FAM167A: variants seen among roughly 807,000 people sequenced by gnomAD.
The protein encoded by FAM167A is family with sequence similarity 167 member A, also known as protein FAM167A.
Under a neutral mutation model 14.9 loss-of-function variants are expected in FAM167A, and 23 were observed. The ratio of observed to expected loss-of-function variants is 1.55; its 90% confidence interval spans 1.11 to 2.19. The LOEUF is 2.19. Among genes scored for constraint, FAM167A ranks in the 30% most tolerant of loss-of-function variants. The pLI is 0.00. For synonymous variants in FAM167A, 174 were observed against 117.7 expected, an observed-to-expected ratio of 1.48 and a Z score of -3.10; for missense variants, 401 against 281.5, an observed-to-expected ratio of 1.42 and a Z score of -3.04.
chr8:11,469,194 G>T (rs987322202), upstream of FAM167A, among the ~76,000 whole-genome samples: 3 of 152,132 alleles, frequency 2.0e-5, no homozygotes, highest in Admixed American at 2.0e-4. Flanking sequence ...TGTATGCATG[G>T]AAAAAAGATT....
chr8:11,442,813 T>A (rs1806521435), intron 2 of FAM167A, among the ~76,000 whole-genome samples: 1 of 151,986 alleles, frequency 6.6e-6, no homozygotes, highest in South Asian at 2.1e-4. Context: ...AAGACGGATA[T>A]AATAGAATGG....
At chr8:11,425,304 G>C (rs565948479) in intron 2 of FAM167A, among the ~76,000 whole-genome samples, 16 of 152,244 alleles carry the variant, frequency 1.1e-4, no homozygotes, top group East Asian at 9.6e-4. Context: ...AGCTTATAGA[G>C]GAGGACACAG....
At chr8:11,458,776 G>A (rs1044507883) in intron 1 of FAM167A, among the ~76,000 whole-genome samples, 9 of 151,310 alleles carry the variant, frequency 5.9e-5, no homozygotes, top group African/African-American at 1.9e-4. Flanking sequence ...GAGGTAAGGC[G>A]AACTAAGGGA....
intron 1 of FAM167A, among the ~76,000 whole-genome samples, chr8:11,462,318 G>A (rs935188331): frequency 6.6e-6 from 1 of 152,246 alleles, no homozygotes; most frequent in African/African-American, 2.4e-5. Flanking sequence ...TTGATCAACA[G>A]ATTCAACCCT....
At chr8:11,442,576 T>C (rs896322102) in intron 2 of FAM167A, among the ~76,000 whole-genome samples, 1 of 152,142 alleles carries the variant, frequency 6.6e-6, no homozygotes, top group African/African-American at 2.4e-5. Flanking sequence ...ACAAGAATGT[T>C]TTTTGTTCCT....
chr8:11,459,410 T>C (rs1807450350), intron 1 of FAM167A, among the ~76,000 whole-genome samples: 1 of 152,256 alleles, frequency 6.6e-6, no homozygotes, highest in South Asian at 2.1e-4. Flanking sequence ...CCAGTGTTCC[T>C]AGAAACCTCA....
chr8:11,427,857 C>T (rs1291471605), intron 2 of FAM167A, among the ~76,000 whole-genome samples: 2 of 152,148 alleles, frequency 1.3e-5, no homozygotes, highest in South Asian at 4.1e-4. Context: ...AAATTTATTG[C>T]TAATTAAATT....
At chr8:11,467,148 C>T (rs1294879676), upstream of FAM167A, among the ~76,000 whole-genome samples, 1 of 152,238 alleles carries the variant, frequency 6.6e-6, no homozygotes, top group East Asian at 1.9e-4. Context: ...TTCATAGGAC[C>T]CGCGGCCACG....
At chr8:11,445,100 A>T in intron 1 of FAM167A, 1 of 981,116 alleles carries the variant, frequency 1.0e-6, no homozygotes, top group Non-Finnish European at 1.2e-6. Context: ...TTTTATTCTC[A>T]TTTCACACAC....
intron 1 of FAM167A, among the ~76,000 whole-genome samples, chr8:11,449,410 G>GA (rs1806931295): frequency 6.6e-6 from 1 of 152,220 alleles, no homozygotes; most frequent in Non-Finnish European, 1.5e-5. Flanking sequence ...TCCTGGGCTG[G>GA]AAAAGCAGTG....
chr8:11,443,953 A>G, intron 2 of FAM167A, 78 bp downstream of exon 2: 2 of 1,508,440 alleles, frequency 1.3e-6, no homozygotes, highest in South Asian at 1.3e-5. Flanking sequence ...GGGGAGACAG[A>G]CAGAGAGAGA....
chr8:11,457,373 A>G (rs1318863039), intron 1 of FAM167A, among the ~76,000 whole-genome samples: 1 of 151,868 alleles, frequency 6.6e-6, no homozygotes, highest in Non-Finnish European at 1.5e-5. Flanking sequence ...GCTGTGCCAC[A>G]ATGTCATATG....
intron 1 of FAM167A, among the ~76,000 whole-genome samples, chr8:11,464,734 C>T (rs947125917): frequency 6.6e-6 from 1 of 152,160 alleles, no homozygotes; most frequent in Non-Finnish European, 1.5e-5. Flanking sequence ...CTGGGAATAC[C>T]GGGGCTCCTG....
intron 2 of FAM167A, among the ~76,000 whole-genome samples, chr8:11,425,080 T>A (rs1378194491): frequency 6.6e-6 from 1 of 152,226 alleles, no homozygotes; most frequent in Non-Finnish European, 1.5e-5. Context: ...GTTTTCTTTC[T>A]TACGCTGGGG....
At chr8:11,448,341 C>T (rs1436973470) in intron 1 of FAM167A, among the ~76,000 whole-genome samples, 1 of 152,150 alleles carries the variant, frequency 6.6e-6, no homozygotes. Flanking sequence ...ATCAGGGATT[C>T]AATAAGGTTA....
chr8:11,445,240 C>A (rs1025465782), intron 1 of FAM167A: 2 of 985,290 alleles, frequency 2.0e-6, no homozygotes. Flanking sequence ...GCCGGGGGGT[C>A]CCCAGAGCCA....
chr8:11,462,729 G>T (rs141076557), intron 1 of FAM167A, among the ~76,000 whole-genome samples: 6 of 152,246 alleles, frequency 3.9e-5, no homozygotes, highest in Non-Finnish European at 7.3e-5. Context: ...CAACCTAGAT[G>T]TATTCAAATC....
intron 2 of FAM167A, among the ~76,000 whole-genome samples, chr8:11,435,626 C>T (rs146329048): frequency 1.3e-5 from 2 of 152,170 alleles, no homozygotes; most frequent in African/African-American, 4.8e-5. Context: ...TCTCCCACTG[C>T]CCCCAGGCCT....
chr8:11,437,801 G>A (rs1004224848), intron 2 of FAM167A, among the ~76,000 whole-genome samples: 4 of 152,152 alleles, frequency 2.6e-5, no homozygotes, highest in Admixed American at 2.6e-4. Flanking sequence ...TATTATAGAA[G>A]AAACGTGAAT....
Sources: gnomAD v4.1 joint callset for allele counts (sites outside exome capture counted in the v4.1 genomes callset) on GRCh38, gnomAD v4.1.1 for gene constraint, MANE v1.5 for transcripts, NCBI Gene and HGNC (gene_info 2026-07-23, HGNC 2026-07-21) for gene names.